Variants in IQCH observed in about 807,000 individuals in gnomAD.
The protein encoded by IQCH is IQ motif containing H, also known as IQ domain-containing protein H.
In IQCH, 98 loss-of-function variants were observed where a neutral mutation model predicts 117.0. That is an observed-to-expected ratio of 0.84 (90% CI 0.71 to 0.99). IQCH has a LOEUF of 0.99. Ranked by LOEUF, IQCH falls within the 50% of genes least tolerant of loss-of-function variation. The pLI is 0.00. For synonymous variants in IQCH, 412 were observed against 448.2 expected, an observed-to-expected ratio of 0.92 and a Z score of 1.02; for missense variants, 1,102 against 1,243.8, an observed-to-expected ratio of 0.89 and a Z score of 1.72.
chr15:67,287,952 T>C (rs1170925123), intron 4 of IQCH, among the ~76,000 whole-genome samples: 5 of 152,082 alleles, frequency 3.3e-5, no homozygotes, highest in Admixed American at 6.6e-5. Context: ...GTTTCTATTA[T>C]CTTTTGTTTC....
intron 4 of IQCH, among the ~76,000 whole-genome samples, chr15:67,315,610 G>T (rs185742411): frequency 1.3e-5 from 2 of 152,226 alleles, no homozygotes; most frequent in African/African-American, 4.8e-5. Context: ...GTAAGTGATA[G>T]AACTCAGAAT....
chr15:67,492,565 C>T (rs889549761), intron 19 of IQCH, among the ~76,000 whole-genome samples: 10 of 152,150 alleles, frequency 6.6e-5, no homozygotes, highest in Admixed American at 5.9e-4. Context: ...AGAGCTAGGT[C>T]GTGGGGAGCT....
At chr15:67,275,247 C>T (rs1966075245) in intron 3 of IQCH, among the ~76,000 whole-genome samples, 1 of 152,206 alleles carries the variant, frequency 6.6e-6, no homozygotes, top group Non-Finnish European at 1.5e-5. Context: ...CAACCTTGAT[C>T]TCACTTTAGA....
chr15:67,454,520 C>T lies in IQCH; in HGVS notation c.2506-10607C>T, dbSNP rs749121027. On this transcript the variant is annotated intron_variant, in intron 16 of 20. Transcript: ENST00000335894. The surrounding 1 kb of genome is among the most constrained non-coding windows in gnomAD (Gnocchi z 5.2). Reference sequence around the variant, plus strand: ...CATTATCTAATTTTACAACATTTTCCTCAACCCCAAAAAAGAATGCTGTAC... The same window carrying T: ...CATTATCTAATTTTACAACATTTTCTTCAACCCCAAAAAAGAATGCTGTAC... Among the ~76,000 whole-genome samples the T allele has an allele frequency of 1.6e-4, 25 of 152,250 alleles. No individual in the cohort carries two copies. The highest frequency in any genetic ancestry group is 2.5e-4 in the Non-Finnish European group (17 of 67,996).
chr15:67,396,962 C>A (rs1413224237), intron 13 of IQCH, among the ~76,000 whole-genome samples: 1 of 152,148 alleles, frequency 6.6e-6, no homozygotes, highest in Non-Finnish European at 1.5e-5. Flanking sequence ...CTAGGACAGT[C>A]GCAGGCAATT....
chr15:67,451,273 A>T (rs1395083235), intron 16 of IQCH, among the ~76,000 whole-genome samples: 1 of 151,946 alleles, frequency 6.6e-6, no homozygotes, highest in Non-Finnish European at 1.5e-5. Context: ...TAGCTTTTGA[A>T]TGTGTTTGCT....
intron 5 of IQCH, 115 bp downstream of exon 5, chr15:67,337,210 C>A: frequency 8.4e-7 from 1 of 1,183,760 alleles, no homozygotes; most frequent in Non-Finnish European, 1.2e-6. Context: ...CCTGGGTGGC[C>A]TCAGACAAGT....
At chr15:67,371,529 C>A in intron 8 of IQCH, 1 of 1,555,144 alleles carries the variant, frequency 6.4e-7, no homozygotes, top group South Asian at 1.2e-5. Context: ...CTAAGAATGA[C>A]AAAGGTGATA....
rs1000575118 is a variant in IQCH at position 67,479,649 on chromosome 15, C to G, written c.2799+3831C>G. The stretch of plus-strand genomic sequence containing the variant: ...AATTTTATTGCCTGTTTGGGTTATG[C>G]TGAGTCTAAAAACAAGATCATTTAC... On this transcript the variant is annotated intron_variant, in intron 18 of 20. Coordinates refer to ENST00000335894, the MANE Select transcript of IQCH (RefSeq NM_001031715.3). The surrounding 1 kb of genome is among the most constrained non-coding windows in gnomAD (Gnocchi z 4.6). 6.6e-6 allele frequency among the ~76,000 whole-genome samples: 1 copy of G among 152,154 alleles called. No individual in the cohort carries two copies. Among genetic ancestry groups the G allele is most frequent in the Non-Finnish European group, 1.5e-5 (1 of 68,018 alleles).
At chr15:67,307,144 G>T in intron 4 of IQCH, 1 of 1,065,148 alleles carries the variant, frequency 9.4e-7, no homozygotes, top group East Asian at 6.3e-5. Context: ...TTTTCTTTTT[G>T]GCAAGATGTG....
In IQCH at chr15:67,494,187, G is replaced by A. The variant is rs1307657743; in HGVS notation, c.2862-71G>A. The A allele has an allele frequency of 9.4e-7, 1 of 1,063,222 alleles. No homozygotes were observed. Among genetic ancestry groups the A allele is most frequent in the Non-Finnish European group, 1.3e-6 (1 of 750,008 alleles). The allele number at this position is 1,063,222 out of a possible 1,614,324, so 65.9% of individuals were successfully genotyped here. A position where few individuals can be genotyped will look rare whatever the true frequency, so the allele number is the denominator to read the frequency against. Reference sequence around the variant, plus strand: ...ATTCCATCACCAGACAGGCACAAATGAGAGGGCGATTGTTTTTAAGCATGT... The same window carrying A: ...ATTCCATCACCAGACAGGCACAAATAAGAGGGCGATTGTTTTTAAGCATGT... On this transcript the variant is annotated intron_variant, in intron 19 of 20. Transcript: ENST00000335894. The surrounding 1 kb of genome is among the most constrained non-coding windows in gnomAD (Gnocchi z 5.5).
At chr15:67,460,631 C>G (rs1014911172) in intron 16 of IQCH, among the ~76,000 whole-genome samples, 1 of 152,098 alleles carries the variant, frequency 6.6e-6, no homozygotes, top group Non-Finnish European at 1.5e-5. Flanking sequence ...CTCTAGCATT[C>G]TAACCATTTT....
At chr15:67,339,028 T>C (rs1969026111) in intron 5 of IQCH, among the ~76,000 whole-genome samples, 1 of 152,206 alleles carries the variant, frequency 6.6e-6, no homozygotes, top group African/African-American at 2.4e-5. Flanking sequence ...TCACAATTTA[T>C]CATAATATAT....
chr15:67,423,852 TAAAA>T (rs10560261), intron 16 of IQCH, among the ~76,000 whole-genome samples: 2 of 138,016 alleles, frequency 1.4e-5, no homozygotes. Context: ...AGATTTCATC[TAAAA>T]AAAAAAAAAA....
chr15:67,408,068 C>T lies in IQCH; in HGVS notation c.2097+7763C>T, dbSNP rs2081353947. The T allele has an allele frequency of 6.6e-6, 1 of 152,236 alleles. No homozygotes were observed. 9.4% of individuals were successfully genotyped at this position (152,236 alleles called of 1,614,324 possible). A position where few individuals can be genotyped will look rare whatever the true frequency, so the allele number is the denominator to read the frequency against. ...TGAGGCGCTATCGCCGCTTCAGCTC[C>T]AGGGTTGGCGGCCATATGGATCCCG... On this transcript the variant is annotated intron_variant, in intron 14 of 20. Coordinates refer to ENST00000335894, the MANE Select transcript of IQCH (RefSeq NM_001031715.3). This position sits in a 1 kb window ranked among gnomAD's most constrained non-coding sequence, Gnocchi z 4.2.
intron 8 of IQCH, chr15:67,371,327 A>G (rs1050809833): frequency 2.1e-6 from 1 of 466,302 alleles, no homozygotes; most frequent in Non-Finnish European, 3.5e-6. Context: ...TCCGAGTCTT[A>G]GAAATTTACC....
intron 16 of IQCH, among the ~76,000 whole-genome samples, chr15:67,450,557 A>C (rs542439328): frequency 3.9e-4 from 59 of 152,304 alleles, no homozygotes; most frequent in Admixed American, 9.2e-4. Flanking sequence ...CCAGCCTTGC[A>C]TCCCAGGGAT....
At chr15:67,332,990 T>C (rs534164163) in intron 4 of IQCH, among the ~76,000 whole-genome samples, 1 of 152,334 alleles carries the variant, frequency 6.6e-6, no homozygotes, top group African/African-American at 2.4e-5. Flanking sequence ...AAAATCAAGC[T>C]GCTGGCAGAT....
chr15:67,278,943 T>C (rs1339789437), intron 3 of IQCH, among the ~76,000 whole-genome samples: 4 of 152,236 alleles, frequency 2.6e-5, no homozygotes. Flanking sequence ...CCACCTTTGA[T>C]ATTTAAATCT....
Sources: gnomAD v4.1 joint callset for allele counts (sites outside exome capture counted in the v4.1 genomes callset) on GRCh38, gnomAD v4.1.1 for gene constraint, Gnocchi (gnomAD v3.1) non-coding constraint, MANE v1.5 for transcripts, NCBI Gene and HGNC (gene_info 2026-07-23, HGNC 2026-07-21) for gene names.